Variants in ZDHHC15 observed in about 807,000 individuals in gnomAD.
ZDHHC15 encodes the protein zDHHC palmitoyltransferase 15, also known as palmitoyltransferase ZDHHC15.
A neutral mutation model predicts 31.7 loss-of-function variants in ZDHHC15; 19 were observed. The observed-to-expected ratio is 0.60, with a 90% confidence interval of 0.42 to 0.88. The LOEUF (loss-of-function observed/expected upper bound fraction) is 0.88. ZDHHC15 is among the 40% of genes least tolerant of loss of function. ZDHHC15 has a pLI of 0.00. For missense variants in ZDHHC15, 209 were observed against 251.2 expected, an observed-to-expected ratio of 0.83 and a Z score of 1.14; for synonymous variants, 103 against 90.0, an observed-to-expected ratio of 1.14 and a Z score of -0.82.
rs1415449989 is a variant in ZDHHC15 at position 75,505,739 on chromosome X, G to C, written c.163+82C>G. 1.5e-5 allele frequency: 17 copies of C among 1,114,404 alleles called. No individual in the cohort carries two copies. The East Asian group carries it at 4.8e-4, about 32-fold the overall frequency. The allele number at this position is 1,114,404 out of a possible 1,213,427, so 91.8% of individuals were successfully genotyped here. On this transcript the variant is annotated intron_variant, in intron 2 of 11. Coordinates refer to ENST00000373367, the MANE Select transcript of ZDHHC15 (RefSeq NM_144969.3). ...AGTTTATTTCTGGGAAAATTGCTCG[G>C]TCTATAGGCTTTTATGTTATTTACT...
intron 4 of ZDHHC15, among the ~76,000 whole-genome samples, chrX:75,442,712 C>T (rs150984372): frequency 0.058 from 6,422 of 111,125 alleles, 234 homozygotes; most frequent in South Asian, 0.13. Flanking sequence ...TTGGGCCGGG[C>T]GCGGTGGCTC....
chrX:75,398,022 C>A (rs776112268), intron 10 of ZDHHC15, among the ~76,000 whole-genome samples: 3 of 111,958 alleles, frequency 2.7e-5, no homozygotes, highest in African/African-American at 9.7e-5. Flanking sequence ...CTGCAGCTCC[C>A]ACAAAGTGGG....
At chrX:75,480,638 TA>T (rs1244160152) in intron 2 of ZDHHC15, among the ~76,000 whole-genome samples, 1 of 110,877 alleles carries the variant, frequency 9.0e-6, no homozygotes, top group Non-Finnish European at 1.9e-5. Flanking sequence ...ATCACCCAAA[TA>T]GTGTGTTTTT....
chrX:75,429,563 C>T (rs1168575024), intron 6 of ZDHHC15, among the ~76,000 whole-genome samples: 1 of 111,328 alleles, frequency 9.0e-6, no homozygotes, highest in Non-Finnish European at 1.9e-5. Context: ...CAGACTGGCC[C>T]GCAGGGTCTG....
intron 2 of ZDHHC15, among the ~76,000 whole-genome samples, chrX:75,488,356 G>A (rs1395980959): frequency 8.9e-6 from 1 of 111,922 alleles, no homozygotes; most frequent in Non-Finnish European, 1.9e-5. Flanking sequence ...AGGGATTGGG[G>A]TCCTATCCTT....
intron 2 of ZDHHC15, among the ~76,000 whole-genome samples, chrX:75,482,072 G>T (rs1472791434): frequency 1.8e-5 from 2 of 111,136 alleles, no homozygotes; most frequent in Non-Finnish European, 3.8e-5. Flanking sequence ...CATTCTTCAT[G>T]ACAGTACAAG....
chrX:75,496,996 C>A (rs1300807886), intron 2 of ZDHHC15, among the ~76,000 whole-genome samples: 1 of 110,777 alleles, frequency 9.0e-6, no homozygotes, highest in Non-Finnish European at 1.9e-5. Context: ...AAAGTCAGAG[C>A]AGAACTAAAT....
intron 10 of ZDHHC15, among the ~76,000 whole-genome samples, chrX:75,387,624 G>T (rs1163255616): frequency 9.0e-6 from 1 of 111,499 alleles, no homozygotes; most frequent in East Asian, 2.8e-4. Context: ...GAGAGAAAAA[G>T]AATGAAAAGG....
intron 11 of ZDHHC15, among the ~76,000 whole-genome samples, chrX:75,378,414 C>A (rs752848761): frequency 8.9e-6 from 1 of 112,059 alleles, no homozygotes; most frequent in Non-Finnish European, 1.9e-5. Context: ...AGGGAAAGAA[C>A]TGAAGACCTG....
intron 1 of ZDHHC15, among the ~76,000 whole-genome samples, chrX:75,510,671 A>T (rs2085253717): frequency 1.2e-5 from 1 of 86,151 alleles, no homozygotes; most frequent in Admixed American, 1.4e-4. Context: ...GGTGCGCTGC[A>T]CCCACTAACG....
At chrX:75,490,648 G>A (rs1208401540) in intron 2 of ZDHHC15, among the ~76,000 whole-genome samples, 1 of 111,334 alleles carries the variant, frequency 9.0e-6, no homozygotes, top group Admixed American at 9.6e-5. Flanking sequence ...CCATTTGTTT[G>A]TATCCTCTTT....
chrX:75,466,660 T>C (rs2084411594), intron 3 of ZDHHC15, among the ~76,000 whole-genome samples: 1 of 111,132 alleles, frequency 9.0e-6, no homozygotes, highest in South Asian at 3.8e-4. Flanking sequence ...CCATCAATGA[T>C]AGACTGGATA....
At chrX:75,514,295 T>C (rs777462389) in intron 1 of ZDHHC15, among the ~76,000 whole-genome samples, 2 of 112,793 alleles carry the variant, frequency 1.8e-5, no homozygotes, top group South Asian at 7.2e-4. Flanking sequence ...ACAACAATGA[T>C]AAATCTACGT....
chrX:75,440,258 T>C (rs750443427), intron 4 of ZDHHC15, among the ~76,000 whole-genome samples: 1 of 79,557 alleles, frequency 1.3e-5, no homozygotes, highest in Non-Finnish European at 2.6e-5. Context: ...AGCAGGGTTG[T>C]TCTTTTTTTC....
intron 10 of ZDHHC15, among the ~76,000 whole-genome samples, chrX:75,379,643 C>A (rs140644424): frequency 8.9e-6 from 1 of 112,158 alleles, no homozygotes; most frequent in Admixed American, 9.4e-5. Context: ...TTGGGATTAA[C>A]AAGCAACATC....
chrX:75,440,810 C>A (rs895730976), intron 4 of ZDHHC15, among the ~76,000 whole-genome samples: 33 of 111,983 alleles, frequency 2.9e-4, no homozygotes, highest in African/African-American at 1.0e-3. Context: ...GCAGGTTAGG[C>A]ATGTCTGAGC....
chrX:75,386,891 C>T (rs2083185914), intron 10 of ZDHHC15, among the ~76,000 whole-genome samples: 1 of 111,849 alleles, frequency 8.9e-6, no homozygotes, highest in African/African-American at 3.3e-5. Flanking sequence ...TGACCTGGAG[C>T]TCTCTACTGG....
chrX:75,514,193 A>G (rs1030942752), intron 1 of ZDHHC15, among the ~76,000 whole-genome samples: 1 of 112,824 alleles, frequency 8.9e-6, no homozygotes, highest in African/African-American at 3.2e-5. Context: ...ACACTGGTAA[A>G]CTATACAGGT....
intron 2 of ZDHHC15, among the ~76,000 whole-genome samples, chrX:75,480,572 C>G (rs756140481): frequency 9.0e-6 from 1 of 111,159 alleles, no homozygotes; most frequent in Admixed American, 9.6e-5. Context: ...TGGAAGCAAC[C>G]AACATCACAA....
Sources: gnomAD v4.1 joint callset for allele counts (sites outside exome capture counted in the v4.1 genomes callset) on GRCh38, gnomAD v4.1.1 for gene constraint, MANE v1.5 for transcripts, NCBI Gene and HGNC (gene_info 2026-07-23, HGNC 2026-07-21) for gene names.